Variants in ZFAND6 observed in about 807,000 individuals in gnomAD.
ZFAND6 encodes the protein zinc finger AN1-type containing 6.
A neutral mutation model predicts 24.5 loss-of-function variants in ZFAND6; 12 were observed. The ratio of observed to expected loss-of-function variants is 0.49; its 90% CI spans 0.31 to 0.79. ZFAND6 has a LOEUF of 0.79. ZFAND6 is among the 30% of genes least tolerant of loss of function. The pLI is 0.04. For missense variants in ZFAND6, 207 were observed against 245.9 expected, an observed-to-expected ratio of 0.84 and a Z score of 1.06; for synonymous variants, 92 against 81.5, an observed-to-expected ratio of 1.13 and a Z score of -0.69.
intron 1 of ZFAND6, among the ~76,000 whole-genome samples, chr15:80,089,637 A>G (rs1324387256): frequency 6.6e-6 from 1 of 152,132 alleles, no homozygotes; most frequent in African/African-American, 2.4e-5. Flanking sequence ...CTAGCTGCTT[A>G]CCATAGGCTG....
intron 1 of ZFAND6, among the ~76,000 whole-genome samples, chr15:80,077,656 C>G (rs1472608455): frequency 1.3e-5 from 2 of 151,072 alleles, no homozygotes. Flanking sequence ...TAGTAAAAAT[C>G]CATGAATTAC....
intron 6 of ZFAND6, among the ~76,000 whole-genome samples, chr15:80,133,890 A>G (rs1295799516): frequency 6.6e-6 from 1 of 152,154 alleles, no homozygotes; most frequent in African/African-American, 2.4e-5. Flanking sequence ...GAACGCTTAA[A>G]CAATATGAAC....
chr15:80,122,559 A>G lies in ZFAND6; in HGVS notation c.264-141A>G, dbSNP rs113344892. The G allele has an allele frequency of 2.3e-3, 1,308 of 579,724 alleles. 9 individuals carry two copies. In the African/African-American group the frequency reaches 0.023, roughly 10 times the overall value. The allele number at this position is 579,724 out of a possible 1,614,324, so 35.9% of individuals were successfully genotyped here. A position where few individuals can be genotyped will look rare whatever the true frequency, so the allele number is the denominator to read the frequency against. ...TCTCTAGTTTTAAAGCTCTATGATT[A>G]TGTTTAAGTTATTAAAAAAAAGTAT... On this transcript the variant is annotated intron_variant, in intron 4 of 6. Transcript: ENST00000261749.
chr15:80,071,484 G>A (rs1341999342), intron 1 of ZFAND6, among the ~76,000 whole-genome samples: 1 of 151,902 alleles, frequency 6.6e-6, no homozygotes, highest in Non-Finnish European at 1.5e-5. Context: ...ATGTTTGATG[G>A]GCCAAGCTGC....
intron 4 of ZFAND6, among the ~76,000 whole-genome samples, chr15:80,122,132 C>G (rs114347176): frequency 5.9e-5 from 9 of 151,780 alleles, no homozygotes; most frequent in African/African-American, 1.5e-4. Context: ...GTATTACTAC[C>G]GTGTATTAAA....
chr15:80,069,702 G>A (rs2036865082), intron 1 of ZFAND6, among the ~76,000 whole-genome samples: 1 of 151,910 alleles, frequency 6.6e-6, no homozygotes, highest in Admixed American at 6.6e-5. Context: ...TCTGCTGCCC[G>A]GGTTCAAGCA....
intron 1 of ZFAND6, among the ~76,000 whole-genome samples, chr15:80,088,509 T>C (rs951755057): frequency 1.1e-4 from 16 of 152,258 alleles, no homozygotes; most frequent in African/African-American, 3.9e-4. Flanking sequence ...GAGGTTGCAG[T>C]GAGCCGAGAT....
chr15:80,108,431 A>G (rs937423932), intron 2 of ZFAND6, among the ~76,000 whole-genome samples: 4 of 152,178 alleles, frequency 2.6e-5, no homozygotes, highest in Non-Finnish European at 4.4e-5. Flanking sequence ...TCGTGAGAAG[A>G]AAGAGAATGA....
chr15:80,065,001 C>CT lies in ZFAND6; in HGVS notation c.-181+5192_-181+5193insT, dbSNP rs1567046368. On this transcript the variant is annotated intron_variant, in intron 1 of 6. Transcript: ENST00000261749. ...TTTTCTCTTGCTCTCTCTCTCTCCC[C>CT]CTTTTTTTTTTTTTTTTTTTTAACA... Among the ~76,000 whole-genome samples, 2,394 of 133,472 alleles carry CT rather than the reference C, an allele frequency of 0.018. 170 individuals are homozygous for CT. In the East Asian group the frequency reaches 0.19, roughly 11 times the overall value. The allele number at this position is 133,472 out of a possible 152,430, so 87.6% of individuals were successfully genotyped here.
At chr15:80,060,294 GCCGGAGGCAGC>G (rs1261890619) in intron 1 of ZFAND6, 3 of 152,308 alleles carry the variant, frequency 2.0e-5, no homozygotes, top group African/African-American at 4.8e-5. Flanking sequence ...TCAGAAACCA[GCCGGAGGCAGC>G]CCGGTGTCTC....
chr15:80,091,446 A>G (rs1489515793), intron 1 of ZFAND6, among the ~76,000 whole-genome samples: 2 of 152,138 alleles, frequency 1.3e-5, no homozygotes, highest in African/African-American at 4.8e-5. Context: ...GGTAACCAGG[A>G]CCTTTCGTTC....
chr15:80,095,509 T>C (rs1026550011), intron 1 of ZFAND6, among the ~76,000 whole-genome samples: 1 of 152,224 alleles, frequency 6.6e-6, no homozygotes. Flanking sequence ...CATCAAACTT[T>C]CATTCACAAA....
intron 1 of ZFAND6, among the ~76,000 whole-genome samples, chr15:80,075,945 A>G (rs1253329656): frequency 6.6e-6 from 1 of 152,136 alleles, no homozygotes; most frequent in Non-Finnish European, 1.5e-5. Context: ...TGTAAGTACT[A>G]GATTTCTCAG....
chr15:80,067,736 T>G (rs909911746), intron 1 of ZFAND6, among the ~76,000 whole-genome samples: 8 of 152,164 alleles, frequency 5.3e-5, no homozygotes, highest in African/African-American at 1.9e-4. Flanking sequence ...TTATCTTAAT[T>G]TATAGTCCTG....
Position 80,137,626 on chromosome 15 carries a change from T to A in ZFAND6, c.625T>A (p.Ter209ArgextTer9). 1 of 1,578,422 alleles carries A rather than the reference T, an allele frequency of 6.3e-7. No homozygotes were observed. The highest frequency in any genetic ancestry group is 8.6e-7 in the Non-Finnish European group (1 of 1,168,682). The change falls in exon 7 of 7, where the codon TGA (stop) becomes AGA (arginine). Residue 209 changes from the stop codon to arginine (R), a stop_lost. Coordinates refer to ENST00000261749, the MANE Select transcript of ZFAND6 (RefSeq NM_019006.4). ...VVVGEKIQKI* is the reference protein window; with the variant it reads ...VVVGEKIQKIR Reference sequence around the variant, plus strand: ...TGTTGGTGAAAAGATCCAAAAGATTTGAACTCCTGCTGGAATACAAAATTC... The same window carrying A: ...TGTTGGTGAAAAGATCCAAAAGATTAGAACTCCTGCTGGAATACAAAATTC...
intron 1 of ZFAND6, among the ~76,000 whole-genome samples, 157 bp downstream of exon 1, chr15:80,059,966 G>A (rs539038082): frequency 1.3e-5 from 2 of 151,086 alleles, no homozygotes; most frequent in Non-Finnish European, 3.0e-5. Context: ...CGCAGCAGGT[G>A]GTGGGCCCGC....
At chr15:80,079,179 G>A (rs1426411197) in intron 1 of ZFAND6, among the ~76,000 whole-genome samples, 2 of 152,024 alleles carry the variant, frequency 1.3e-5, no homozygotes, top group Non-Finnish European at 2.9e-5. Flanking sequence ...CAGTTTGTGA[G>A]TATTTTCTCC....
intron 1 of ZFAND6, among the ~76,000 whole-genome samples, chr15:80,080,040 C>T (rs561765235): frequency 6.6e-6 from 1 of 151,830 alleles, no homozygotes; most frequent in Non-Finnish European, 1.5e-5. Context: ...GCTCACCCAC[C>T]CAGGCTGGAG....
At chr15:80,069,140 G>T (rs2036831327) in intron 1 of ZFAND6, among the ~76,000 whole-genome samples, 2 of 148,306 alleles carry the variant, frequency 1.3e-5, no homozygotes, top group African/African-American at 5.3e-5. Context: ...GGCCTCCAAG[G>T]AGAGAGAGAA....
Sources: gnomAD v4.1 joint callset for allele counts (sites outside exome capture counted in the v4.1 genomes callset) on GRCh38, gnomAD v4.1.1 for gene constraint, MANE v1.5 for transcripts, NCBI Gene and HGNC (gene_info 2026-07-23, HGNC 2026-07-21) for gene names.